The following STMN2 variants were observed in gnomAD, a reference collection of about 807,000 sequenced individuals.
The protein encoded by STMN2 is stathmin 2.
STMN2 carries 2 observed loss-of-function variants against 24.1 expected under a neutral mutation model. The ratio of observed to expected loss-of-function variants is 0.08; its 90% CI spans 0.03 to 0.26. STMN2 has a LOEUF of 0.26. Among genes scored for constraint, STMN2 ranks in the 10% least tolerant of loss-of-function variants. The probability of loss-of-function intolerance (pLI) is 1.00; values close to 1 mark genes in which losing one functional copy is unlikely to be tolerated. For synonymous variants in STMN2, 83 were observed against 77.5 expected (o/e 1.07, Z -0.37); for missense variants, 114 against 213.6 (o/e 0.53, Z 2.91).
chr8:79,612,946 C>T (rs11783995), intron 1 of STMN2, among the ~76,000 whole-genome samples: 6,064 of 152,248 alleles, frequency 0.04, 168 homozygotes, highest in Middle Eastern at 0.065. Flanking sequence ...CGGCGTGGCT[C>T]TCAGCCCCAG....
chr8:79,612,012 C>A (rs968570429), intron 1 of STMN2, among the ~76,000 whole-genome samples: 4 of 152,156 alleles, frequency 2.6e-5, no homozygotes, highest in African/African-American at 4.8e-5. Flanking sequence ...GGGGAGGCAC[C>A]TGCAGCGCTG....
intron 2 of STMN2, among the ~76,000 whole-genome samples, chr8:79,639,138 A>C (rs1810035440): frequency 6.6e-6 from 1 of 152,222 alleles, no homozygotes; most frequent in African/African-American, 2.4e-5. Flanking sequence ...TGCACTAACC[A>C]GGCTGCTAAA....
At chr8:79,630,878 T>A (rs889609665) in intron 1 of STMN2, among the ~76,000 whole-genome samples, 2 of 148,148 alleles carry the variant, frequency 1.3e-5, no homozygotes, top group Admixed American at 6.7e-5. Flanking sequence ...TACTACCTGC[T>A]AGTATTTAGG....
chr8:79,648,933 A>G (rs907466434), intron 3 of STMN2, among the ~76,000 whole-genome samples: 56 of 152,336 alleles, frequency 3.7e-4, no homozygotes, highest in Non-Finnish European at 7.1e-4. Context: ...ACCCTAAAAG[A>G]GATTAAATTA....
intron 3 of STMN2, among the ~76,000 whole-genome samples, chr8:79,650,607 A>G (rs890141836): frequency 1.3e-5 from 2 of 152,200 alleles, no homozygotes; most frequent in African/African-American, 4.8e-5. Context: ...GTGAGAATCA[A>G]TTTCTACCTA....
intron 1 of STMN2, among the ~76,000 whole-genome samples, chr8:79,622,894 CT>C (rs141204232): frequency 2.1e-3 from 317 of 152,220 alleles, no homozygotes; most frequent in Non-Finnish European, 3.7e-3. Flanking sequence ...CTCGTTCTTT[CT>C]TAACATCTTA....
chr8:79,618,550 A>G (rs887176537), intron 1 of STMN2, among the ~76,000 whole-genome samples: 1 of 152,220 alleles, frequency 6.6e-6, no homozygotes, highest in African/African-American at 2.4e-5. Flanking sequence ...GATTCTCTTC[A>G]TATTACCATC....
chr8:79,638,767 C>T (rs529309704), intron 2 of STMN2, among the ~76,000 whole-genome samples: 1 of 152,244 alleles, frequency 6.6e-6, no homozygotes, highest in South Asian at 2.1e-4. Context: ...TAGTGTCACA[C>T]AGCTATTAAG....
chr8:79,641,626 A>ACGCG (rs1324248589), intron 3 of STMN2, 76 bp downstream of exon 3: 2 of 580,462 alleles, frequency 3.4e-6, no homozygotes, highest in Non-Finnish European at 5.7e-6. Context: ...GCACACATGC[A>ACGCG]CGCACACACA....
intron 4 of STMN2, among the ~76,000 whole-genome samples, chr8:79,664,059 G>A (rs1263025985): frequency 2.0e-5 from 3 of 152,170 alleles, no homozygotes; most frequent in Non-Finnish European, 4.4e-5. Context: ...AGAACAGAGA[G>A]GCTCATAATA....
intron 1 of STMN2, chr8:79,620,859 A>C (rs1052482185): frequency 2.0e-6 from 1 of 491,548 alleles, no homozygotes; most frequent in East Asian, 1.5e-4. Context: ...TTCTCACTCT[A>C]TTAGGTCTGA....
chr8:79,647,026 C>A (rs1369274186), intron 3 of STMN2, among the ~76,000 whole-genome samples: 2 of 152,036 alleles, frequency 1.3e-5, no homozygotes, highest in Admixed American at 1.3e-4. Flanking sequence ...GTGCAAACTC[C>A]ATTATATAAG....
At chr8:79,650,815 T>C (rs1810318734) in intron 3 of STMN2, among the ~76,000 whole-genome samples, 1 of 152,118 alleles carries the variant, frequency 6.6e-6, no homozygotes, top group African/African-American at 2.4e-5. Flanking sequence ...GTTGCACGCC[T>C]GTAGTCCCAG....
intron 1 of STMN2, among the ~76,000 whole-genome samples, chr8:79,635,762 G>C (rs4739871): frequency 0.35 from 52,680 of 151,970 alleles, 9,274 homozygotes; most frequent in South Asian, 0.41. Flanking sequence ...CTAGAGGGGG[G>C]AAGGAGAGAG....
intron 3 of STMN2, among the ~76,000 whole-genome samples, chr8:79,644,101 TATTA>T (rs1810167536): frequency 6.6e-6 from 1 of 152,236 alleles, no homozygotes; most frequent in African/African-American, 2.4e-5. Context: ...TTTAAAGAAC[TATTA>T]ATTATCTTTA....
At chr8:79,637,403 A>G (rs1314819441) in intron 2 of STMN2, among the ~76,000 whole-genome samples, 2 of 152,230 alleles carry the variant, frequency 1.3e-5, no homozygotes, top group Non-Finnish European at 2.9e-5. Flanking sequence ...GAGGCCCTAG[A>G]TAAAGAGGGT....
At chr8:79,641,623 T>G in intron 3 of STMN2, 73 bp downstream of exon 3, 19 of 520,968 alleles carry the variant, frequency 3.6e-5, no homozygotes, top group East Asian at 8.8e-5. Flanking sequence ...CGGGCACACA[T>G]GCACGCACAC....
intron 4 of STMN2, among the ~76,000 whole-genome samples, chr8:79,656,593 T>C (rs931827846): frequency 6.6e-6 from 1 of 152,182 alleles, no homozygotes. Flanking sequence ...GCCACCACTT[T>C]GCACTTCTCC....
At chr8:79,646,122 A>AT (rs1238166391) in intron 3 of STMN2, among the ~76,000 whole-genome samples, 1 of 152,036 alleles carries the variant, frequency 6.6e-6, no homozygotes, top group African/African-American at 2.4e-5. Flanking sequence ...GCTTGTTTTG[A>AT]TTTTTTATTC....
Sources: allele counts gnomAD v4.1 joint callset (sites outside exome capture counted in the v4.1 genomes callset), GRCh38; gene constraint gnomAD v4.1.1; transcripts MANE v1.5; gene names NCBI Gene and HGNC (gene_info 2026-07-23, HGNC 2026-07-21).